UNC13B: variants seen among roughly 807,000 people sequenced by gnomAD.
UNC13B encodes the protein unc-13 homolog B, also known as protein unc-13 homolog B.
In UNC13B, 144 loss-of-function variants were observed where a neutral mutation model predicts 211.0. The ratio of observed to expected loss-of-function variants is 0.68; its 90% confidence interval spans 0.60 to 0.78. The LOEUF is 0.78. Among genes scored for constraint, UNC13B ranks in the 30% least tolerant of loss-of-function variants. The pLI is 0.00. For missense variants in UNC13B, 1,777 were observed against 2,002.0 expected, an observed-to-expected ratio of 0.89 and a Z score of 2.14; for synonymous variants, 709 against 725.8, an observed-to-expected ratio of 0.98 and a Z score of 0.37.
Position 35,162,289 on chromosome 9 carries a change from A to G in UNC13B, c.6A>G (p.Ser2=). 2.6e-6 allele frequency: 4 copies of G among 1,542,586 alleles called. No individual in the cohort carries two copies. The highest frequency in any genetic ancestry group is 2.4e-5 in the South Asian group (2 of 84,238). The change falls in exon 1 of 40, where the codon TCA becomes TCG. Residue 2 remains serine, a synonymous_variant. Coordinates refer to ENST00000635942, the MANE Select transcript of UNC13B (RefSeq NM_001371189.2). M[S]LLCVRVKRAK... ...GGCTTGCCCGATCCTCGGCCATGTC[A>G]CTGCTCTGCGTGCGCGGTGAGTGCG...
chr9:35,381,342 T>A, intron 19 of UNC13B, 127 bp downstream of exon 19: 1 of 990,482 alleles, frequency 1.0e-6, no homozygotes, highest in Admixed American at 2.7e-5. Context: ...TTCACTCTGT[T>A]ACCCTGGAGA....
chr9:35,353,692 C>T (rs1832857001), intron 11 of UNC13B: 1 of 1,231,970 alleles, frequency 8.1e-7, no homozygotes, highest in South Asian at 4.1e-5. Flanking sequence ...CCGTTTACCT[C>T]AACAAGTGCA....
chr9:35,283,424 T>A (rs1453210115), intron 7 of UNC13B, among the ~76,000 whole-genome samples: 1 of 152,206 alleles, frequency 6.6e-6, no homozygotes, highest in Admixed American at 6.5e-5. Context: ...TTTACCTATT[T>A]ATATTTCTGC....
chr9:35,258,714 T>G (rs1827083339), intron 6 of UNC13B, among the ~76,000 whole-genome samples: 1 of 152,236 alleles, frequency 6.6e-6, no homozygotes, highest in South Asian at 2.1e-4. Context: ...TCCAGCTGCC[T>G]GGCAGAGCTA....
chr9:35,316,510 C>T (rs1830463306), intron 11 of UNC13B, among the ~76,000 whole-genome samples: 1 of 152,006 alleles, frequency 6.6e-6, no homozygotes, highest in African/African-American at 2.4e-5. Flanking sequence ...TATAGATGTG[C>T]GTGTGTGTGT....
intron 10 of UNC13B, among the ~76,000 whole-genome samples, chr9:35,311,807 A>G (rs939635500): frequency 1.3e-5 from 2 of 152,150 alleles, no homozygotes; most frequent in Non-Finnish European, 2.9e-5. Flanking sequence ...GGGCCTAGCA[A>G]TGTGTCTGCC....
chr9:35,360,166 A>G (rs1235721607), intron 11 of UNC13B, among the ~76,000 whole-genome samples: 1 of 152,190 alleles, frequency 6.6e-6, no homozygotes, highest in Non-Finnish European at 1.5e-5. Flanking sequence ...CGCCCTAACA[A>G]CCATTTTTTG....
At chr9:35,391,386 G>A (rs983584651) in intron 26 of UNC13B, among the ~76,000 whole-genome samples, 1 of 152,156 alleles carries the variant, frequency 6.6e-6, no homozygotes, top group Non-Finnish European at 1.5e-5. Context: ...TACTCAGTCT[G>A]TGAAAGCCCA....
intron 1 of UNC13B, among the ~76,000 whole-genome samples, chr9:35,164,240 C>T (rs1336767667): frequency 1.3e-5 from 2 of 152,194 alleles, no homozygotes; most frequent in African/African-American, 4.8e-5. Flanking sequence ...TGGTCTTGAA[C>T]TTCTGACCTC....
In UNC13B at chr9:35,381,622, G is replaced by A. The variant is rs1327006983; in HGVS notation, c.10558G>A (p.Asp3520Asn). The change falls in exon 20 of 40, where the codon GAC (aspartate) becomes AAC (asparagine). Residue 3520 changes from aspartate (D) to asparagine (N), a missense_variant. Coordinates refer to ENST00000635942, the MANE Select transcript of UNC13B (RefSeq NM_001371189.2). ...AGTCCGCATCCCTGAAGCTCGAGGA[G>A]ACGATGCCTGGAAGGTGTACTTTGA... is the stretch of plus-strand genomic sequence containing the variant. ...GGVRIPEARG[D>N]DAWKVYFDET... is the part of the protein sequence containing the mutation. The A allele has an allele frequency of 1.9e-6, 3 of 1,614,222 alleles. No individual in the cohort carries two copies. The highest frequency in any genetic ancestry group is 2.5e-6 in the Non-Finnish European group (3 of 1,180,036).
chr9:35,398,822 C>G (rs1836065300), intron 32 of UNC13B, 60 bp from the exon 33 acceptor site: 1 of 1,587,434 alleles, frequency 6.3e-7, no homozygotes, highest in Admixed American at 1.7e-5. Flanking sequence ...ATAGCTGGTG[C>G]CGCTCCAGGG....
intron 13 of UNC13B, among the ~76,000 whole-genome samples, chr9:35,370,774 C>T (rs1207963042): frequency 2.6e-5 from 4 of 152,224 alleles, no homozygotes; most frequent in Non-Finnish European, 4.4e-5. Flanking sequence ...ATGGGATGAG[C>T]ATGACTGGAG....
intron 11 of UNC13B, among the ~76,000 whole-genome samples, chr9:35,354,396 C>A (rs1832900789): frequency 1.3e-5 from 2 of 152,156 alleles, no homozygotes; most frequent in African/African-American, 4.8e-5. Flanking sequence ...CTTGCTGACA[C>A]AGAACCTTAT....
intron 37 of UNC13B, among the ~76,000 whole-genome samples, chr9:35,401,500 G>T (rs150813388): frequency 6.6e-6 from 1 of 152,198 alleles, no homozygotes; most frequent in African/African-American, 2.4e-5. Context: ...ATCCAGAAAG[G>T]CTTTTTAGAA....
rs1836077086 is a variant in UNC13B at position 35,398,913 on chromosome 9, C to T, written c.11953C>T (p.Gln3985Ter). The T allele has an allele frequency of 6.2e-7, 1 of 1,614,022 alleles. No individual in the cohort carries two copies. Among genetic ancestry groups the T allele is most frequent in the South Asian group, 1.1e-5 (1 of 91,078 alleles). The change falls in exon 33 of 40, where the codon CAA becomes TAA. Residue 3985 changes from glutamine to a stop codon, truncating the protein, a stop_gained. Coordinates refer to ENST00000635942, the MANE Select transcript of UNC13B (RefSeq NM_001371189.2). LOFTEE classifies it high-confidence loss of function. ...FQVRIDECVRQMADILGQVRG... is the reference protein window; with the variant it reads ...FQVRIDECVR The stretch of plus-strand genomic sequence containing the variant: ...GGTACGGATTGATGAGTGTGTTCGA[C>T]AAATGGCCGACATCCTGGGCCAGGT...
intron 8 of UNC13B, among the ~76,000 whole-genome samples, chr9:35,298,603 A>G (rs1251378727): frequency 1.3e-5 from 2 of 152,116 alleles, no homozygotes; most frequent in Non-Finnish European, 2.9e-5. Flanking sequence ...TACAGGTGAG[A>G]GCCACTGCAC....
intron 1 of UNC13B, among the ~76,000 whole-genome samples, chr9:35,186,216 G>C (rs1037792499): frequency 6.6e-6 from 1 of 152,098 alleles, no homozygotes; most frequent in African/African-American, 2.4e-5. Context: ...CTTAAGGTCT[G>C]ATAAGAGACA....
At chr9:35,398,416 T>C in intron 31 of UNC13B, 128 bp downstream of exon 31, 1 of 1,361,326 alleles carries the variant, frequency 7.3e-7, no homozygotes, top group Non-Finnish European at 1.0e-6. Context: ...TGGCTTAATC[T>C]GAGGTAGGCA....
chr9:35,260,930 G>A (rs931232191), intron 7 of UNC13B, among the ~76,000 whole-genome samples: 2 of 152,054 alleles, frequency 1.3e-5, no homozygotes, highest in African/African-American at 4.8e-5. Context: ...CGATTAAAGC[G>A]CAAATGCCAA....
Sources: allele counts gnomAD v4.1 joint callset (sites outside exome capture counted in the v4.1 genomes callset), GRCh38; gene constraint gnomAD v4.1.1; transcripts MANE v1.5; gene names NCBI Gene and HGNC (gene_info 2026-07-23, HGNC 2026-07-21).